UBAP1: variants seen among roughly 807,000 people sequenced by gnomAD.
UBAP1 encodes the protein ubiquitin-associated protein 1.
Under a neutral mutation model 39.0 loss-of-function variants are expected in UBAP1, and 5 were observed. The ratio of observed to expected loss-of-function variants is 0.13; its 90% CI spans 0.07 to 0.27. The LOEUF is 0.27. UBAP1 is among the 10% of genes least tolerant of loss of function. The pLI, the probability that UBAP1 is intolerant of heterozygous loss-of-function variation, is 1.00. For synonymous variants in UBAP1, 211 were observed against 225.1 expected, an observed-to-expected ratio of 0.94 and a Z score of 0.56; for missense variants, 490 against 608.1, an observed-to-expected ratio of 0.81 and a Z score of 2.04.
At chr9:34,204,350 AGT>A (rs1245355050) in intron 1 of UBAP1, among the ~76,000 whole-genome samples, 1 of 152,234 alleles carries the variant, frequency 6.6e-6, no homozygotes, top group Admixed American at 6.5e-5. Flanking sequence ...AGAGGAAAAT[AGT>A]ATCAAATAGT....
chr9:34,204,919 A>G (rs1411433410), intron 1 of UBAP1, among the ~76,000 whole-genome samples: 2 of 152,212 alleles, frequency 1.3e-5, no homozygotes, highest in Non-Finnish European at 2.9e-5. Context: ...AGGACACTGC[A>G]CTGAACTCTC....
chr9:34,179,174 G>A lies in UBAP1; in HGVS notation c.-74G>A, dbSNP rs779328033. ...GGCTGTCGGGAGCTCAGCGGGGACCGAGCCTGGGAGGCCGGCCGGTGCCAG... is the reference window on the plus strand; with the variant it reads ...GGCTGTCGGGAGCTCAGCGGGGACCAAGCCTGGGAGGCCGGCCGGTGCCAG... On this transcript the variant is annotated 5_prime_UTR_variant, in exon 1 of 7. Transcript: ENST00000297661. 5.7e-6 allele frequency: 7 copies of A among 1,237,896 alleles called. No individual in the cohort carries two copies. The highest frequency in any genetic ancestry group is 3.8e-5 in the South Asian group (1 of 26,128). The allele number at this position is 1,237,896 out of a possible 1,614,324, so 76.7% of individuals were successfully genotyped here.
intron 3 of UBAP1, among the ~76,000 whole-genome samples, chr9:34,235,281 ACATTTGTG>A (rs1833630313): frequency 2.0e-5 from 3 of 150,428 alleles, no homozygotes; most frequent in Admixed American, 6.7e-5. Flanking sequence ...ATTGTTTTTT[ACATTTGTG>A]TATATGTGTA....
intron 1 of UBAP1, among the ~76,000 whole-genome samples, chr9:34,200,929 G>T (rs1271887426): frequency 3.3e-5 from 5 of 151,680 alleles, no homozygotes; most frequent in Non-Finnish European, 5.9e-5. Context: ...TTTTTTTTGA[G>T]ATGGAGTTTC....
At position 34,179,057 on chromosome 9, in the gene UBAP1, C is replaced by A; in HGVS notation, c.-191C>A. The A allele has an allele frequency of 1.6e-6, 2 of 1,279,336 alleles. No individual in the cohort carries two copies. Among genetic ancestry groups the A allele is most frequent in the Non-Finnish European group, 2.0e-6 (2 of 1,011,778 alleles). 79.2% of individuals were successfully genotyped at this position (1,279,336 alleles called of 1,614,324 possible). On this transcript the variant is annotated 5_prime_UTR_variant, in exon 1 of 7. Coordinates refer to ENST00000297661, the MANE Select transcript of UBAP1 (RefSeq NM_016525.5). ...GGGAAGGAGGAGGGAAGTAGGACTTCAACATGGCGGCTGCGGCACTGGCGG... is the reference window on the plus strand; with the variant it reads ...GGGAAGGAGGAGGGAAGTAGGACTTAAACATGGCGGCTGCGGCACTGGCGG...
In UBAP1 at chr9:34,241,725, T is replaced by G; in HGVS notation, c.700T>G (p.Phe234Val). The change falls in exon 4 of 7, where the codon TTT (phenylalanine) becomes GTT (valine). Residue 234 changes from phenylalanine to valine, a missense_variant. Phe to Val is a conservative substitution (Grantham distance 50, BLOSUM62 -1). Transcript: ENST00000297661. ...DFKPLHKPNG[F>V]ITLPQLGNCE... The stretch of plus-strand genomic sequence containing the variant: ...CAAGCCTCTTCATAAACCCAATGGC[T>G]TTATAACCTTACCACAGTTGGGCAA... The G allele has an allele frequency of 6.2e-7, 1 of 1,613,984 alleles. No individual in the cohort carries two copies. The highest frequency in any genetic ancestry group is 8.5e-7 in the Non-Finnish European group (1 of 1,180,006).
intron 2 of UBAP1, among the ~76,000 whole-genome samples, chr9:34,230,949 G>A (rs565853413): frequency 1.9e-4 from 29 of 152,032 alleles, no homozygotes; most frequent in Middle Eastern, 6.8e-3. Flanking sequence ...AGGCCGAGGC[G>A]GGAAGAATGC....
In UBAP1 at chr9:34,224,841, T is replaced by C. The variant is rs184849690; in HGVS notation, c.34+3893T>C. On this transcript the variant is annotated intron_variant, in intron 2 of 6. Coordinates refer to ENST00000297661, the MANE Select transcript of UBAP1 (RefSeq NM_016525.5). Reference sequence around the variant, plus strand: ...GAACTAAGGCTACTCCTTCCACTTCTCAGGAAGCTGCTTAGCCTTTCTTCA... The same window carrying C: ...GAACTAAGGCTACTCCTTCCACTTCCCAGGAAGCTGCTTAGCCTTTCTTCA... 3.6e-3 allele frequency among the ~76,000 whole-genome samples: 549 copies of C among 152,318 alleles called. 7 individuals carry two copies. Among genetic ancestry groups the C allele is most frequent in the Admixed American group, 0.033 (498 of 15,300 alleles).
At chr9:34,191,105 T>G (rs765406725) in intron 1 of UBAP1, among the ~76,000 whole-genome samples, 35 of 152,174 alleles carry the variant, frequency 2.3e-4, no homozygotes, top group South Asian at 2.1e-4. Flanking sequence ...TCTCCAACAT[T>G]GACAGTGGAG....
chr9:34,250,684 A>G lies in UBAP1; in HGVS notation c.1293A>G (p.Gly431=). 6.2e-7 allele frequency: 1 copy of G among 1,613,690 alleles called. No homozygotes were observed. Among genetic ancestry groups the G allele is most frequent in the Non-Finnish European group, 8.5e-7 (1 of 1,179,662 alleles). The change falls in exon 6 of 7, where the codon GGA becomes GGG. Residue 431 remains glycine (G), a synonymous_variant. Coordinates refer to ENST00000297661, the MANE Select transcript of UBAP1 (RefSeq NM_016525.5). ...EQILDYLFAH[G]QLCEKGFDPL... ...TTCTCGACTATCTCTTTGCACATGGACAGCTTTGTGAGAAGGGCTTCGACC... is the reference window on the plus strand; with the variant it reads ...TTCTCGACTATCTCTTTGCACATGGGCAGCTTTGTGAGAAGGGCTTCGACC...
intron 3 of UBAP1, among the ~76,000 whole-genome samples, chr9:34,236,741 GC>G (rs1374620778): frequency 6.6e-6 from 1 of 151,724 alleles, no homozygotes; most frequent in Non-Finnish European, 1.5e-5. Context: ...CCTTCTGCTT[GC>G]GGTGTTTTCC....
chr9:34,203,239 G>GT (rs1162274891), intron 1 of UBAP1, among the ~76,000 whole-genome samples: 3 of 152,160 alleles, frequency 2.0e-5, no homozygotes, highest in African/African-American at 7.2e-5. Context: ...GGGCTCAGGA[G>GT]TTTGAGGCTG....
At chr9:34,180,449 A>T (rs1829953206) in intron 1 of UBAP1, among the ~76,000 whole-genome samples, 2 of 151,824 alleles carry the variant, frequency 1.3e-5, no homozygotes, top group African/African-American at 4.8e-5. Flanking sequence ...CGGAGGTAGC[A>T]GTGAGCCTAG....
At position 34,242,858 on chromosome 9, in the gene UBAP1, A is replaced by G. The variant is rs74540324; in HGVS notation, c.1083+750A>G. ...GATTTTTTAATGTAAAAGCACATCA[A>G]GAGACTATTTAGAGCCAAAAAGGAG... On this transcript the variant is annotated intron_variant, in intron 4 of 6. Transcript: ENST00000297661. 1.7e-3 allele frequency among the ~76,000 whole-genome samples: 256 copies of G among 152,304 alleles called. 1 individual carries two copies. The East Asian group carries it at 0.031, about 18-fold the overall frequency.
In UBAP1 at chr9:34,221,398, G is replaced by A. The variant is rs1031833587; in HGVS notation, c.34+450G>A. 1.1e-4 allele frequency among the ~76,000 whole-genome samples: 17 copies of A among 151,910 alleles called. No individual in the cohort carries two copies. In the East Asian group the frequency reaches 2.9e-3, roughly 26 times the overall value. ...CAAAAAATTAGCCGGGCGTGTTGGC[G>A]GGCGCCTGTAGTCCTAGCTACTCGG... On this transcript the variant is annotated intron_variant, in intron 2 of 6. Coordinates refer to ENST00000297661, the MANE Select transcript of UBAP1 (RefSeq NM_016525.5).
chr9:34,221,027 CA>C, intron 2 of UBAP1, 79 bp downstream of exon 2: 1 of 1,293,184 alleles, frequency 7.7e-7, no homozygotes, highest in South Asian at 1.2e-5. Context: ...GTTTTAAGTA[CA>C]AGTGCCCCTT....
chr9:34,250,044 C>A, intron 5 of UBAP1, 83 bp downstream of exon 5: 2 of 1,425,044 alleles, frequency 1.4e-6, no homozygotes, highest in Non-Finnish European at 1.9e-6. Flanking sequence ...GCCCCTCAGA[C>A]TTGTAGCACC....
intron 4 of UBAP1, 72 bp downstream of exon 4, chr9:34,242,180 TGG>T: frequency 6.8e-7 from 1 of 1,466,306 alleles, no homozygotes; most frequent in Non-Finnish European, 9.2e-7. Flanking sequence ...TCTTGTTGTT[TGG>T]TTGATTTTTT....
At chr9:34,223,071 C>G (rs943495994) in intron 2 of UBAP1, among the ~76,000 whole-genome samples, 2 of 152,156 alleles carry the variant, frequency 1.3e-5, no homozygotes, top group Non-Finnish European at 2.9e-5. Context: ...ACTGAACATT[C>G]CAGAGAGAAG....
Sources: gnomAD v4.1 joint callset for allele counts (sites outside exome capture counted in the v4.1 genomes callset) on GRCh38, gnomAD v4.1.1 for gene constraint, MANE v1.5 for transcripts, NCBI Gene and HGNC (gene_info 2026-07-23, HGNC 2026-07-21) for gene names.